Variants in AKAP13 observed in about 807,000 individuals in gnomAD.
AKAP13 encodes the protein A-kinase anchor protein 13.
A neutral mutation model predicts 264.5 loss-of-function variants in AKAP13; 80 were observed. The observed-to-expected ratio is 0.30, with a 90% CI of 0.25 to 0.36. The LOEUF (loss-of-function observed/expected upper bound fraction) is 0.36, where lower values mean the gene tolerates loss of function less well. Ranked by LOEUF, AKAP13 falls within the 10% of genes least tolerant of loss-of-function variation. AKAP13 has a pLI of 1.00. For synonymous variants in AKAP13, 1,380 were observed against 1,250.2 expected (o/e 1.10, Z -2.19); for missense variants, 3,712 against 3,435.2 (o/e 1.08, Z -2.01).
At chr15:85,687,470 C>T (rs2085005183) in intron 16 of AKAP13, among the ~76,000 whole-genome samples, 1 of 152,124 alleles carries the variant, frequency 6.6e-6, no homozygotes, top group South Asian at 2.1e-4. Context: ...TGATCATCTC[C>T]TTTGTCAAAA....
intron 1 of AKAP13, among the ~76,000 whole-genome samples, chr15:85,455,429 TA>T (rs1424976424): frequency 1.3e-5 from 2 of 152,204 alleles, no homozygotes; most frequent in Non-Finnish European, 2.9e-5. Context: ...AGTGCTTCTC[TA>T]AATTCCTAGA....
intron 8 of AKAP13, among the ~76,000 whole-genome samples, chr15:85,630,366 C>G (rs1309775676): frequency 6.6e-6 from 1 of 152,078 alleles, no homozygotes; most frequent in Non-Finnish European, 1.5e-5. Context: ...CACGAAAATA[C>G]TCTATGCAAT....
chr15:85,499,554 T>C (rs1273528563), intron 2 of AKAP13, among the ~76,000 whole-genome samples: 1 of 152,226 alleles, frequency 6.6e-6, no homozygotes, highest in Non-Finnish European at 1.5e-5. Context: ...TGCTGAGTCA[T>C]TGGTACTTCA....
intron 8 of AKAP13, chr15:85,621,658 C>G (rs2081192220): frequency 6.6e-6 from 1 of 152,108 alleles, no homozygotes; most frequent in Non-Finnish European, 1.5e-5. Flanking sequence ...TCAGTACAGG[C>G]TTATTGGCCT....
intron 2 of AKAP13, among the ~76,000 whole-genome samples, chr15:85,494,592 C>T (rs775610229): frequency 1.3e-5 from 2 of 152,166 alleles, no homozygotes; most frequent in Middle Eastern, 6.8e-3. Flanking sequence ...GGACTGGTGA[C>T]GAATTTGATG....
At chr15:85,586,302 T>C (rs1335754659) in intron 8 of AKAP13, among the ~76,000 whole-genome samples, 1 of 152,068 alleles carries the variant, frequency 6.6e-6, no homozygotes, top group East Asian at 1.9e-4. Context: ...GCGATTCTCC[T>C]GCCTTCGCCT....
At chr15:85,680,114 G>T (rs577307487) in intron 14 of AKAP13, among the ~76,000 whole-genome samples, 1 of 152,258 alleles carries the variant, frequency 6.6e-6, no homozygotes, top group African/African-American at 2.4e-5. Flanking sequence ...CCTGCTTTGT[G>T]TTGGTTGGTA....
At chr15:85,556,554 C>G (rs2078155794) in intron 5 of AKAP13, among the ~76,000 whole-genome samples, 1 of 152,198 alleles carries the variant, frequency 6.6e-6, no homozygotes, top group Admixed American at 6.5e-5. Context: ...TGTTTTCTCA[C>G]CCCTCCAAGA....
At chr15:85,653,353 C>T (rs778497860) in intron 10 of AKAP13, among the ~76,000 whole-genome samples, 5 of 152,164 alleles carry the variant, frequency 3.3e-5, no homozygotes, top group Non-Finnish European at 7.3e-5. Flanking sequence ...GATTCTGCTG[C>T]TCATGCCTGC....
chr15:85,529,281 C>A (rs1384184967), intron 3 of AKAP13, among the ~76,000 whole-genome samples: 2 of 152,130 alleles, frequency 1.3e-5, no homozygotes, highest in Non-Finnish European at 2.9e-5. Flanking sequence ...ATTAGCGGGG[C>A]ATGGTGGCGG....
intron 2 of AKAP13, among the ~76,000 whole-genome samples, chr15:85,510,210 A>G (rs1333404634): frequency 2.0e-5 from 3 of 152,212 alleles, no homozygotes; most frequent in African/African-American, 2.4e-5. Context: ...CTGTAATGGC[A>G]TAAGCTTTCA....
chr15:85,738,826 CAG>C (rs2088738359), intron 33 of AKAP13, among the ~76,000 whole-genome samples: 1 of 114,766 alleles, frequency 8.7e-6, no homozygotes, highest in Admixed American at 1.3e-4. Context: ...GCCTGGGCGA[CAG>C]AGCGAGACTC....
At chr15:85,409,305 G>A (rs542046406) in intron 1 of AKAP13, among the ~76,000 whole-genome samples, 17 of 151,790 alleles carry the variant, frequency 1.1e-4, no homozygotes, top group African/African-American at 3.9e-4. Flanking sequence ...AGCCTCCTGA[G>A]TAGCTGGGAT....
chr15:85,685,623 C>T (rs571060896), intron 16 of AKAP13, among the ~76,000 whole-genome samples: 6 of 151,894 alleles, frequency 4.0e-5, no homozygotes, highest in Non-Finnish European at 5.9e-5. Context: ...CCCGAGTAGC[C>T]AGGGCTACAG....
intron 29 of AKAP13, among the ~76,000 whole-genome samples, chr15:85,728,309 A>G (rs1173816037): frequency 2.0e-5 from 3 of 152,254 alleles, no homozygotes; most frequent in Non-Finnish European, 2.9e-5. Context: ...GTTAGGCCTT[A>G]AAGCCATACA....
chr15:85,418,092 C>A (rs1005117863), intron 1 of AKAP13, among the ~76,000 whole-genome samples: 1 of 124,228 alleles, frequency 8.0e-6, no homozygotes, highest in Non-Finnish European at 1.9e-5. Context: ...TATTATTATT[C>A]TGAGATAGGG....
At chr15:85,408,622 A>G (rs563816470) in intron 1 of AKAP13, among the ~76,000 whole-genome samples, 1 of 152,022 alleles carries the variant, frequency 6.6e-6, no homozygotes, top group Admixed American at 6.5e-5. Flanking sequence ...CAATGTCATT[A>G]GAATTCATCC....
intron 17 of AKAP13, among the ~76,000 whole-genome samples, chr15:85,703,869 T>C (rs1597118691): frequency 6.7e-6 from 1 of 150,278 alleles, no homozygotes; most frequent in African/African-American, 2.4e-5. Context: ...TATATATATA[T>C]ATACACACAC....
At chr15:85,501,193 T>G (rs2076028906) in intron 2 of AKAP13, among the ~76,000 whole-genome samples, 1 of 152,332 alleles carries the variant, frequency 6.6e-6, no homozygotes, top group South Asian at 2.1e-4. Flanking sequence ...TTGTCCTGTC[T>G]TGTATGGTTT....
Sources: allele counts gnomAD v4.1 joint callset (sites outside exome capture counted in the v4.1 genomes callset), GRCh38; gene constraint gnomAD v4.1.1; transcripts MANE v1.5; gene names NCBI Gene and HGNC (gene_info 2026-07-23, HGNC 2026-07-21).